IL1R1: variants seen among roughly 807,000 people sequenced by gnomAD.
IL1R1 encodes the protein interleukin-1 receptor type 1.
IL1R1 carries 22 observed loss-of-function variants against 50.2 expected under a neutral mutation model. The observed-to-expected ratio is 0.44, with a 90% CI of 0.31 to 0.63. The LOEUF is 0.63. IL1R1 is among the 20% of genes least tolerant of loss of function. IL1R1 has a pLI of 0.07. For synonymous variants in IL1R1, 251 were observed against 236.7 expected (o/e 1.06, Z -0.55); for missense variants, 509 against 676.2 (o/e 0.75, Z 2.74).
chr2:102,084,886 A>G (rs1679370538), intron 1 of IL1R1, among the ~76,000 whole-genome samples: 1 of 152,216 alleles, frequency 6.6e-6, no homozygotes, highest in Non-Finnish European at 1.5e-5. Flanking sequence ...GGAAATCTTT[A>G]CCAGCGTTTA....
Position 102,094,423 on chromosome 2 carries a change from T to C in IL1R1, c.-84+23890T>C, listed in dbSNP as rs200083801. On this transcript the variant is annotated intron_variant, in intron 1 of 11. Transcript: ENST00000409929. ...GAAACTTTATTCAAAATCATCTTTG[T>C]CAAAGTTTTAACACAGAAGCAAAAG... Among the ~76,000 whole-genome samples the C allele has an allele frequency of 6.0e-4, 92 of 152,344 alleles. No homozygotes were observed. The East Asian group carries it at 0.015, about 25-fold the overall frequency.
chr2:102,116,740 G>A (rs759983716), intron 1 of IL1R1, among the ~76,000 whole-genome samples: 13 of 152,170 alleles, frequency 8.5e-5, no homozygotes, highest in East Asian at 5.8e-4. Context: ...TCATCCACCC[G>A]TGCTGAAAAC....
chr2:102,142,757 G>A lies in IL1R1; in HGVS notation c.-347G>A, dbSNP rs930099677. On this transcript the variant is annotated 5_prime_UTR_variant, in exon 1 of 12. Coordinates refer to ENST00000410023, the MANE Select transcript of IL1R1 (RefSeq NM_000877.4). ...GAGCCGCGCCCGGCAGTTCCCGGCCGCGAGGGCGGGCGCAGCTTGTGGCCG... is the reference window on the plus strand; with the variant it reads ...GAGCCGCGCCCGGCAGTTCCCGGCCACGAGGGCGGGCGCAGCTTGTGGCCG... 5 of 149,824 alleles carry A rather than the reference G, an allele frequency of 3.3e-5. No homozygotes were observed. Among genetic ancestry groups the A allele is most frequent in the African/African-American group, 2.4e-5 (1 of 41,230 alleles). 9.3% of individuals were successfully genotyped at this position (149,824 alleles called of 1,614,324 possible).
intron 1 of IL1R1, among the ~76,000 whole-genome samples, chr2:102,105,072 T>C (rs954163882): frequency 6.6e-6 from 1 of 152,212 alleles, no homozygotes. Flanking sequence ...CACTTTAAGA[T>C]GTGTTTCTGA....
rs1559501396 is a variant in IL1R1 at position 102,164,870 on chromosome 2, GC to G, written c.159del (p.Thr54LeufsTer2). 1 of 1,613,948 alleles carries G rather than the reference GC, an allele frequency of 6.2e-7. No individual in the cohort carries two copies. Among genetic ancestry groups the G allele is most frequent in the Non-Finnish European group, 8.5e-7 (1 of 1,179,894 alleles). On this transcript the variant is annotated frameshift_variant, in exon 4 of 12. Transcript: ENST00000410023. LOFTEE classifies it high-confidence loss of function. Reference protein sequence around the residue: ...PCPLNPNEHKGTITWYKDDSK... With the variant: ...PCPLNPNEHKXTITWYKDDSK... ...CCTCTTAACCCAAATGAACACAAAG[GC>G]ACTATAACTTGGTATAAAGATGACA...
At chr2:102,097,738 CATATT>C (rs1354907615) in intron 1 of IL1R1, among the ~76,000 whole-genome samples, 3 of 151,806 alleles carry the variant, frequency 2.0e-5, no homozygotes, top group East Asian at 1.9e-4. Context: ...ATATTTGATT[CATATT>C]ATAACTATCC....
upstream of IL1R1, among the ~76,000 whole-genome samples, chr2:102,103,216 A>G (rs1680222845): frequency 6.6e-6 from 1 of 152,204 alleles, no homozygotes; most frequent in Non-Finnish European, 1.5e-5. Flanking sequence ...GGCACCTGTA[A>G]GTGCTCACTT....
intron 1 of IL1R1, among the ~76,000 whole-genome samples, chr2:102,109,851 G>C (rs1329487044): frequency 2.0e-5 from 3 of 152,198 alleles, no homozygotes; most frequent in African/African-American, 7.2e-5. Context: ...TATGGTGAGT[G>C]CTAGCTTGGG....
At chr2:102,120,592 A>G (rs971926755) in intron 1 of IL1R1, among the ~76,000 whole-genome samples, 5 of 152,222 alleles carry the variant, frequency 3.3e-5, no homozygotes, top group African/African-American at 1.2e-4. Context: ...ACACAGAGGC[A>G]GGCAACTCCG....
At chr2:102,157,865 A>G in intron 3 of IL1R1, 80 bp downstream of exon 3, 1 of 918,586 alleles carries the variant, frequency 1.1e-6, no homozygotes, top group Admixed American at 2.0e-5. Context: ...TCCCTAACAG[A>G]GTCATTTCTC....
Position 102,165,236 on chromosome 2 carries a change from C to T in IL1R1, c.418C>T (p.Leu140Phe), listed in dbSNP as rs1332343922. 6.2e-7 allele frequency: 1 copy of T among 1,606,984 alleles called. No individual in the cohort carries two copies. Among genetic ancestry groups the T allele is most frequent in the Non-Finnish European group, 8.5e-7 (1 of 1,177,606 alleles). ...ACTACCCGTTGCAGGAGACGGAGGA[C>T]TTGTGTGCCCTTATATGGAGTTTTT... Reference protein sequence around the residue: ...QKLPVAGDGGLVCPYMEFFKN... With the variant: ...QKLPVAGDGGFVCPYMEFFKN... Residue 140 changes from leucine to phenylalanine, a missense_variant, in exon 5 of 12, where the codon CTT (leucine) becomes TTT (phenylalanine). Coordinates refer to ENST00000410023, the MANE Select transcript of IL1R1 (RefSeq NM_000877.4).
intron 7 of IL1R1, among the ~76,000 whole-genome samples, chr2:102,170,220 C>T (rs1685555659): frequency 6.6e-6 from 1 of 152,172 alleles, no homozygotes; most frequent in South Asian, 2.1e-4. Context: ...TACCATTACT[C>T]CTAAAATGAC....
upstream of IL1R1, chr2:102,142,653 C>T (rs1238049610): frequency 1.3e-5 from 2 of 151,818 alleles, no homozygotes; most frequent in East Asian, 3.9e-4. Flanking sequence ...ACCCGGCCAG[C>T]TCGCTCGCAG....
chr2:102,105,535 T>C (rs879501960), intron 1 of IL1R1, among the ~76,000 whole-genome samples: 1 of 152,054 alleles, frequency 6.6e-6, no homozygotes, highest in Non-Finnish European at 1.5e-5. Flanking sequence ...CTGCTAACTT[T>C]TTGTATTTTT....
At chr2:102,076,356 T>C (rs1239487649) in intron 1 of IL1R1, among the ~76,000 whole-genome samples, 1 of 152,132 alleles carries the variant, frequency 6.6e-6, no homozygotes, top group African/African-American at 2.4e-5. Flanking sequence ...ATTTTGTATT[T>C]TTAGTAGAGA....
chr2:102,082,035 G>A (rs576352264), intron 1 of IL1R1, among the ~76,000 whole-genome samples: 2 of 152,264 alleles, frequency 1.3e-5, no homozygotes, highest in African/African-American at 4.8e-5. Flanking sequence ...CCCACCTCTG[G>A]AGCTGCTAAG....
At chr2:102,120,865 G>C (rs918336773) in intron 1 of IL1R1, among the ~76,000 whole-genome samples, 1 of 152,140 alleles carries the variant, frequency 6.6e-6, no homozygotes, top group African/African-American at 2.4e-5. Flanking sequence ...ATAAAAAATT[G>C]GTTTAATGAT....
rs1684329685 is a variant in IL1R1 at position 102,157,781 on chromosome 2, G to A, written c.57G>A (p.Glu19=). ...TAGCTCTACTGATTTCTTCTCTGGAGGCTGGTAAGTTAAGTATTTCTTTGT... is the reference window on the plus strand; with the variant it reads ...TAGCTCTACTGATTTCTTCTCTGGAAGCTGGTAAGTTAAGTATTTCTTTGT... ...CFIALLISSL[E]ADKCKEREEK... Residue 19 remains glutamate (E), a synonymous_variant, in exon 3 of 12, where the codon GAG becomes GAA. Transcript: ENST00000410023. The A allele has an allele frequency of 6.3e-7, 1 of 1,592,808 alleles. No homozygotes were observed. The highest frequency in any genetic ancestry group is 8.6e-7 in the Non-Finnish European group (1 of 1,161,302).
intron 7 of IL1R1, among the ~76,000 whole-genome samples, chr2:102,168,898 T>C (rs147822572): frequency 6.6e-6 from 1 of 151,898 alleles, no homozygotes; most frequent in Non-Finnish European, 1.5e-5. Context: ...CTTATTACCA[T>C]GAAAACACCA....
Sources: gnomAD v4.1 joint callset for allele counts (sites outside exome capture counted in the v4.1 genomes callset) on GRCh38, gnomAD v4.1.1 for gene constraint, MANE v1.5 for transcripts, NCBI Gene and HGNC (gene_info 2026-07-23, HGNC 2026-07-21) for gene names.